Variants in FANK1 observed in about 807,000 individuals in gnomAD.
FANK1 encodes the protein fibronectin type III and ankyrin repeat domains 1, also known as fibronectin type 3 and ankyrin repeat domains protein 1.
A neutral mutation model predicts 45.3 loss-of-function variants in FANK1; 44 were observed. The ratio of observed to expected loss-of-function variants is 0.97; its 90% CI spans 0.76 to 1.25. The LOEUF is 1.25. Among genes scored for constraint, FANK1 ranks in the 50% most tolerant of loss-of-function variants. The probability of loss-of-function intolerance (pLI) is 0.00; values close to 1 mark genes in which losing one functional copy is unlikely to be tolerated. For missense variants in FANK1, 391 were observed against 424.4 expected (o/e 0.92, Z 0.69); for synonymous variants, 149 against 152.5 (o/e 0.98, Z 0.17).
chr10:125,991,665 C>T (rs1011844779), intron 3 of FANK1, among the ~76,000 whole-genome samples: 5 of 152,038 alleles, frequency 3.3e-5, no homozygotes, highest in Admixed American at 1.3e-4. Flanking sequence ...GTAAAGTACA[C>T]AGATTCTTGC....
intron 9 of FANK1, 32 bp from the exon 10 acceptor site, chr10:126,009,190 G>A (rs1251345234): frequency 1.9e-6 from 3 of 1,614,076 alleles, no homozygotes; most frequent in African/African-American, 1.3e-5. Context: ...ACATTTATAA[G>A]CATGTAAAAT....
intron 1 of FANK1, chr10:125,973,291 T>A (rs1950634915): frequency 1.2e-5 from 3 of 244,204 alleles, no homozygotes; most frequent in Non-Finnish European, 2.0e-5. Flanking sequence ...GCTGGATGTC[T>A]TTGGAATTGA....
intron 1 of FANK1, among the ~76,000 whole-genome samples, chr10:125,949,993 G>C (rs12262889): frequency 0.57 from 43,858 of 77,578 alleles, 13,597 homozygotes; most frequent in Non-Finnish European, 0.69. Context: ...TTTGACAAAC[G>C]TGAGAAAAAC....
rs1951340411 is a variant in FANK1 at position 125,983,300 on chromosome 10, C to T, written c.191+2962C>T. Among the ~76,000 whole-genome samples, 1 of 152,106 alleles carries T rather than the reference C, an allele frequency of 6.6e-6. No individual in the cohort carries two copies. Among genetic ancestry groups the T allele is most frequent in the African/African-American group, 2.4e-5 (1 of 41,412 alleles). ...GTGCCCTAAATTCCTGTGATCGTTG[C>T]TGCCCATGCCACGCATTCCATTTAT... On this transcript the variant is annotated intron_variant, in intron 2 of 10. Coordinates refer to ENST00000368693, the MANE Select transcript of FANK1 (RefSeq NM_145235.5). This position sits in a 1 kb window ranked among gnomAD's most constrained non-coding sequence, Gnocchi z 4.3.
chr10:125,992,720 C>T (rs888189638), intron 3 of FANK1, among the ~76,000 whole-genome samples: 1 of 152,048 alleles, frequency 6.6e-6, no homozygotes. Context: ...GTGTCCCCAC[C>T]GAGAGAGCCT....
intron 1 of FANK1, among the ~76,000 whole-genome samples, chr10:125,915,727 T>A (rs1300654062): frequency 6.6e-6 from 1 of 152,154 alleles, no homozygotes; most frequent in East Asian, 1.9e-4. Context: ...GGTGGGAGAA[T>A]CCCTTGAGCC....
chr10:126,004,967 TG>T lies in FANK1; in HGVS notation c.626del (p.Gly209GlufsTer17). The T allele has an allele frequency of 6.2e-7, 1 of 1,614,224 alleles. No homozygotes were observed. Among genetic ancestry groups the T allele is most frequent in the Non-Finnish European group, 8.5e-7 (1 of 1,180,044 alleles). Reference protein sequence around the residue: ...RHGASWQARDLGGCTALHWAA... With the variant: ...RHGASWQARDXGGCTALHWAA... ...GGCGCTTCTTGGCAGGCTAGAGACC[TG>T]GGAGGCTGTACAGCTCTGCACTGGG... On this transcript the variant is annotated frameshift_variant, in exon 7 of 11. Transcript: ENST00000368693. LOFTEE classifies it high-confidence loss of function.
intron 4 of FANK1, 72 bp from the exon 5 acceptor site, chr10:125,996,478 T>G: frequency 1.6e-5 from 23 of 1,446,726 alleles, no homozygotes; most frequent in South Asian, 2.4e-5. Context: ...CTAAGCCCTG[T>G]GAGAACCACC....
At chr10:125,958,923 C>T (rs1949745772) in intron 1 of FANK1, among the ~76,000 whole-genome samples, 1 of 152,116 alleles carries the variant, frequency 6.6e-6, no homozygotes, top group South Asian at 2.1e-4. Flanking sequence ...TTTCCAAGCT[C>T]TTTAAAGATT....
intron 2 of FANK1, among the ~76,000 whole-genome samples, chr10:125,984,295 A>G (rs966800304): frequency 2.6e-5 from 4 of 152,208 alleles, no homozygotes; most frequent in African/African-American, 9.6e-5. Context: ...GGGAGAGAGC[A>G]TGGCATGCTG....
intron 7 of FANK1, chr10:126,007,190 T>C (rs1953282165): frequency 6.6e-6 from 1 of 152,230 alleles, no homozygotes; most frequent in Non-Finnish European, 1.5e-5. Flanking sequence ...AATGTAATGA[T>C]CATATACTAA....
intron 1 of FANK1, among the ~76,000 whole-genome samples, chr10:125,909,412 T>C (rs550197052): frequency 1.3e-5 from 2 of 152,134 alleles, no homozygotes; most frequent in Non-Finnish European, 2.9e-5. Context: ...TTTTTTTTCA[T>C]TGATTTCACT....
intron 1 of FANK1, among the ~76,000 whole-genome samples, chr10:125,947,500 A>T (rs1213769167): frequency 6.6e-6 from 1 of 150,428 alleles, no homozygotes; most frequent in Non-Finnish European, 1.5e-5. Context: ...ACCAACAAAG[A>T]TCAAAAGAGA....
Position 125,934,728 on chromosome 10 carries a change from T to G in FANK1, c.13+38073T>G, listed in dbSNP as rs1221847805. On this transcript the variant is annotated intron_variant, in intron 1 of 10. Transcript: ENST00000368693. ...CCCACCACCTGTACCCCTACCGTTTTTTTTTTTTTTTTTTTTTTTTTTTTT... is the reference window on the plus strand; with the variant it reads ...CCCACCACCTGTACCCCTACCGTTTGTTTTTTTTTTTTTTTTTTTTTTTTT... Among the ~76,000 whole-genome samples, 28 of 8,598 alleles carry G rather than the reference T, an allele frequency of 3.3e-3. 2 individuals carry two copies. The highest frequency in any genetic ancestry group is 0.015 in the Admixed American group (9 of 612). 5.6% of individuals were successfully genotyped at this position (8,598 alleles called of 152,430 possible).
intron 1 of FANK1, among the ~76,000 whole-genome samples, chr10:125,933,417 G>C (rs577056933): frequency 6.6e-6 from 1 of 152,238 alleles, no homozygotes; most frequent in East Asian, 1.9e-4. Flanking sequence ...CTACTTATGT[G>C]TGTAAAGGTG....
At chr10:125,940,845 A>G (rs554581102) in intron 1 of FANK1, among the ~76,000 whole-genome samples, 32 of 152,204 alleles carry the variant, frequency 2.1e-4, no homozygotes, top group Non-Finnish European at 4.3e-4. Context: ...TTTACCAAGC[A>G]TACTGCCTGT....
chr10:125,937,950 GA>G (rs1948207527), intron 1 of FANK1, among the ~76,000 whole-genome samples: 1 of 152,046 alleles, frequency 6.6e-6, no homozygotes, highest in Non-Finnish European at 1.5e-5. Flanking sequence ...TACAAAGACG[GA>G]AAAAACTGAA....
intron 3 of FANK1, among the ~76,000 whole-genome samples, chr10:125,992,674 A>G (rs550391884): frequency 5.3e-5 from 8 of 152,062 alleles, no homozygotes; most frequent in African/African-American, 1.9e-4. Flanking sequence ...CAACCTTTGC[A>G]TGCTGCAGAG....
chr10:125,906,612 G>C (rs1385470590), intron 1 of FANK1, among the ~76,000 whole-genome samples: 1 of 150,554 alleles, frequency 6.6e-6, no homozygotes, highest in Non-Finnish European at 1.5e-5. Context: ...CCCCAGGCCA[G>C]TGCATTAGCA....
Sources: allele counts gnomAD v4.1 joint callset (sites outside exome capture counted in the v4.1 genomes callset), GRCh38; gene constraint gnomAD v4.1.1; non-coding constraint Gnocchi (gnomAD v3.1); transcripts MANE v1.5; gene names NCBI Gene and HGNC (gene_info 2026-07-23, HGNC 2026-07-21).